SBF2: variants seen among roughly 807,000 people sequenced by gnomAD.
The protein encoded by SBF2 is myotubularin-related protein 13.
Under a neutral mutation model 225.2 loss-of-function variants are expected in SBF2, and 112 were observed. That is an observed-to-expected ratio of 0.50 (90% CI 0.43 to 0.58). The LOEUF is 0.58. SBF2 is among the 20% of genes least tolerant of loss of function. The pLI is 0.00. For missense variants in SBF2, 1,996 were observed against 2,206.2 expected, an observed-to-expected ratio of 0.90 and a Z score of 1.91; for synonymous variants, 763 against 773.3, an observed-to-expected ratio of 0.99 and a Z score of 0.22.
chr11:9,860,521 G>A (rs962018248), intron 17 of SBF2, among the ~76,000 whole-genome samples: 1 of 151,880 alleles, frequency 6.6e-6, no homozygotes, highest in East Asian at 1.9e-4. Flanking sequence ...TGTAGAGATG[G>A]GGTTTCATCA....
intron 16 of SBF2, among the ~76,000 whole-genome samples, chr11:9,920,280 A>T (rs1204315743): frequency 6.6e-6 from 1 of 151,832 alleles, no homozygotes; most frequent in African/African-American, 2.4e-5. Flanking sequence ...GCATGGAAAA[A>T]CAGGCAGAAT....
chr11:10,172,802 G>C (rs1182391609), intron 2 of SBF2, among the ~76,000 whole-genome samples: 1 of 152,216 alleles, frequency 6.6e-6, no homozygotes, highest in African/African-American at 2.4e-5. Flanking sequence ...GAGTAGCTGG[G>C]ATTACATGCA....
At chr11:9,908,072 CAT>C (rs1196168787) in intron 16 of SBF2, among the ~76,000 whole-genome samples, 1 of 152,090 alleles carries the variant, frequency 6.6e-6, no homozygotes, top group African/African-American at 2.4e-5. Flanking sequence ...TCTGTGGAAA[CAT>C]AATTCATGAA....
At chr11:9,839,820 A>C (rs1213378506) in intron 25 of SBF2, 124 bp from the exon 26 acceptor site, 1 of 1,131,748 alleles carries the variant, frequency 8.8e-7, no homozygotes, top group Non-Finnish European at 1.3e-6. Flanking sequence ...ATATCAAAGA[A>C]ATGATTAGCT....
At chr11:9,971,980 T>TA (rs1565078503) in intron 13 of SBF2, among the ~76,000 whole-genome samples, 1 of 152,142 alleles carries the variant, frequency 6.6e-6, no homozygotes, top group Non-Finnish European at 1.5e-5. Context: ...GAAAATATGA[T>TA]AGAGATAGGT....
chr11:10,103,877 C>G (rs746770055), intron 2 of SBF2, among the ~76,000 whole-genome samples: 2 of 152,132 alleles, frequency 1.3e-5, no homozygotes, highest in Admixed American at 6.5e-5. Flanking sequence ...GCCGAGATAG[C>G]TGAGACCAGC....
chr11:9,972,209 G>T (rs1263194953), intron 13 of SBF2, among the ~76,000 whole-genome samples: 1 of 152,084 alleles, frequency 6.6e-6, no homozygotes. Context: ...ACTTCATAAG[G>T]TTCTTATGAG....
intron 6 of SBF2, among the ~76,000 whole-genome samples, chr11:10,021,625 TAGAG>T (rs754371074): frequency 5.1e-4 from 77 of 152,268 alleles, no homozygotes; most frequent in South Asian, 1.2e-3. Context: ...TAACAATTCT[TAGAG>T]AGAAGAACAA....
intron 2 of SBF2, among the ~76,000 whole-genome samples, chr11:10,066,437 A>T (rs1194147764): frequency 6.6e-6 from 1 of 151,994 alleles, no homozygotes; most frequent in African/African-American, 2.4e-5. Context: ...ACACAGGAAT[A>T]CAGGGTTGAT....
intron 16 of SBF2, among the ~76,000 whole-genome samples, chr11:9,915,404 G>A (rs4910077): frequency 0.21 from 30,588 of 146,154 alleles, 4,039 homozygotes; most frequent in Non-Finnish European, 0.3. Context: ...CCGAGATCGC[G>A]CCACTGTACT....
chr11:10,222,484 A>G (rs995772199), intron 1 of SBF2, among the ~76,000 whole-genome samples: 3 of 152,266 alleles, frequency 2.0e-5, no homozygotes, highest in Admixed American at 6.5e-5. Flanking sequence ...TACAGTATCT[A>G]AAATAAAAAC....
intron 2 of SBF2, among the ~76,000 whole-genome samples, chr11:10,114,673 G>A (rs988467258): frequency 7.2e-5 from 11 of 152,136 alleles, no homozygotes; most frequent in African/African-American, 2.7e-4. Flanking sequence ...TTGTCTGACC[G>A]CTTTCAAATC....
chr11:9,989,486 T>C lies in SBF2; in HGVS notation c.1395+11A>G, dbSNP rs928908549. ...AAATTAATGACTGTCTAAATAAATA[T>C]ACTTACTTACATTTTTGAATAGTTG... is the stretch of plus-strand genomic sequence containing the variant. On this transcript the variant is annotated intron_variant, in intron 13 of 39. Coordinates refer to ENST00000256190, the MANE Select transcript of SBF2 (RefSeq NM_030962.4). The C allele has an allele frequency of 6.8e-7, 1 of 1,463,208 alleles. No individual in the cohort carries two copies. Among genetic ancestry groups the C allele is most frequent in the Non-Finnish European group, 9.6e-7 (1 of 1,045,872 alleles). 90.6% of individuals were successfully genotyped at this position (1,463,208 alleles called of 1,614,324 possible). A position where few individuals can be genotyped will look rare whatever the true frequency, so the allele number is the denominator to read the frequency against.
intron 17 of SBF2, among the ~76,000 whole-genome samples, chr11:9,879,604 A>G (rs974662713): frequency 1.3e-5 from 2 of 152,206 alleles, no homozygotes; most frequent in African/African-American, 4.8e-5. Context: ...ATATCCAGTG[A>G]CTGGTGAAGC....
At chr11:9,876,936 A>G (rs568201021) in intron 17 of SBF2, among the ~76,000 whole-genome samples, 2 of 152,240 alleles carry the variant, frequency 1.3e-5, no homozygotes, top group East Asian at 3.9e-4. Flanking sequence ...ACAGGGTTTC[A>G]CCATGTTGGC....
At chr11:10,097,566 G>T (rs1311759668) in intron 2 of SBF2, among the ~76,000 whole-genome samples, 1 of 152,038 alleles carries the variant, frequency 6.6e-6, no homozygotes, top group Non-Finnish European at 1.5e-5. Flanking sequence ...TCAAAAATTT[G>T]GCATCAAGAT....
chr11:10,280,237 T>A (rs1313205534), intron 1 of SBF2, among the ~76,000 whole-genome samples: 1 of 152,186 alleles, frequency 6.6e-6, no homozygotes, highest in Non-Finnish European at 1.5e-5. Context: ...AATGACAATT[T>A]TAGTTTCCAA....
chr11:9,902,862 A>G (rs1383599682), intron 16 of SBF2, among the ~76,000 whole-genome samples: 3 of 152,164 alleles, frequency 2.0e-5, no homozygotes, highest in African/African-American at 7.2e-5. Flanking sequence ...TAAATTAAGT[A>G]AGCCTTTAAG....
At chr11:10,047,883 T>G (rs1056273169) in intron 2 of SBF2, among the ~76,000 whole-genome samples, 4 of 152,194 alleles carry the variant, frequency 2.6e-5, no homozygotes, top group Non-Finnish European at 5.9e-5. Flanking sequence ...TTCTATGAAG[T>G]CTTCTTTGAA....
Sources: gnomAD v4.1 joint callset for allele counts (sites outside exome capture counted in the v4.1 genomes callset) on GRCh38, gnomAD v4.1.1 for gene constraint, MANE v1.5 for transcripts, NCBI Gene and HGNC (gene_info 2026-07-23, HGNC 2026-07-21) for gene names.